Variants in LRP2 observed in about 807,000 individuals in gnomAD.
LRP2 encodes LDL receptor related protein 2, also known as low-density lipoprotein receptor-related protein 2.
A neutral mutation model predicts 531.0 loss-of-function variants in LRP2; 172 were observed. The observed-to-expected ratio is 0.32, with a 90% CI of 0.29 to 0.37. The LOEUF is 0.37. LRP2 is among the 10% of genes least tolerant of loss of function. LRP2 has a pLI of 1.00. For missense variants in LRP2, 5,167 were observed against 5,868.3 expected, an observed-to-expected ratio of 0.88 and a Z score of 3.90; for synonymous variants, 1,992 against 2,027.6, an observed-to-expected ratio of 0.98 and a Z score of 0.47.
intron 53 of LRP2, 50 bp downstream of exon 53, chr2:169,177,752 CA>C: frequency 7.0e-7 from 1 of 1,422,490 alleles, no homozygotes; most frequent in Non-Finnish European, 9.9e-7. Context: ...ACAATCATGA[CA>C]TGCACATAAC....
chr2:169,140,369 G>T, intron 72 of LRP2, 86 bp downstream of exon 72: 1 of 1,016,398 alleles, frequency 9.8e-7, no homozygotes, highest in Non-Finnish European at 1.5e-6. Flanking sequence ...TGAGGTTCCT[G>T]TATTTGTTTT....
In LRP2 at chr2:169,290,859, G is replaced by A. The variant is rs1188883651; in HGVS notation, c.908C>T (p.Thr303Ile). 1.2e-6 allele frequency: 2 copies of A among 1,614,040 alleles called. No homozygotes were observed. Among genetic ancestry groups the A allele is most frequent in the Admixed American group, 1.7e-5 (1 of 60,018 alleles). The change falls in exon 8 of 79, where the codon ACC becomes ATC. Residue 303 changes from threonine (T) to isoleucine (I), a missense_variant. By Grantham distance (89) the Thr-to-Ile change is moderately conservative. Coordinates refer to ENST00000649046, the MANE Select transcript of LRP2 (RefSeq NM_004525.3). ...PGREDENNTS[T>I]GKYCSMTLCS... ...TCTATACTCACTACAGTATTTTCCGGTACTAGTGTTGTTTTCATCTTCTCT... is the reference window on the plus strand; with the variant it reads ...TCTATACTCACTACAGTATTTTCCGATACTAGTGTTGTTTTCATCTTCTCT...
Position 169,226,605 on chromosome 2 carries a change from A to T in LRP2, c.5228-17T>A. On this transcript the variant is annotated splice_polypyrimidine_tract_variant and intron_variant, in intron 31 of 78. Coordinates refer to ENST00000649046, the MANE Select transcript of LRP2 (RefSeq NM_004525.3). The stretch of plus-strand genomic sequence containing the variant: ...GTTGATCATCTGTGAAAATAGAAGA[A>T]TATCAGTCAAAATCATATCCCACTA... The T allele has an allele frequency of 6.3e-7, 1 of 1,588,772 alleles. No individual in the cohort carries two copies. The highest frequency in any genetic ancestry group is 8.6e-7 in the Non-Finnish European group (1 of 1,158,000).
Position 169,279,634 on chromosome 2 carries a change from C to T in LRP2, c.1342-39G>A, listed in dbSNP as rs1274783050. On this transcript the variant is annotated intron_variant, in intron 11 of 78. Coordinates refer to ENST00000649046, the MANE Select transcript of LRP2 (RefSeq NM_004525.3). Reference sequence around the variant, plus strand: ...CAAAATTATTATATTTCTTCAGCATCACTAACTACGTGGTTTGTTTTGATT... The same window carrying T: ...CAAAATTATTATATTTCTTCAGCATTACTAACTACGTGGTTTGTTTTGATT... The T allele has an allele frequency of 4.0e-6, 5 of 1,261,454 alleles. No individual in the cohort carries two copies. In the African/African-American group the frequency reaches 5.9e-5, roughly 15 times the overall value. The allele number at this position is 1,261,454 out of a possible 1,614,324, so 78.1% of individuals were successfully genotyped here.
At chr2:169,255,093 C>T (rs1690250604) in intron 19 of LRP2, among the ~76,000 whole-genome samples, 1 of 152,078 alleles carries the variant, frequency 6.6e-6, no homozygotes, top group African/African-American at 2.4e-5. Context: ...AGTGTCTAGT[C>T]TTTTCAAGCA....
At chr2:169,242,601 A>C (rs10490130) in intron 24 of LRP2, among the ~76,000 whole-genome samples, 14,994 of 152,256 alleles carry the variant, frequency 0.098, 884 homozygotes, top group African/African-American at 0.16. Context: ...TCTCTACTGA[A>C]ACTTAAAAGA....
intron 38 of LRP2, among the ~76,000 whole-genome samples, chr2:169,208,549 C>T (rs576711942): frequency 2.6e-5 from 4 of 152,228 alleles, no homozygotes; most frequent in Admixed American, 6.5e-5. Context: ...CTCCACCTCC[C>T]GGCTTCAAGA....
At chr2:169,196,844 G>A in intron 46 of LRP2, 67 bp downstream of exon 46, 2 of 1,606,368 alleles carry the variant, frequency 1.2e-6, no homozygotes, top group Non-Finnish European at 1.7e-6. Context: ...TGTATTTGAA[G>A]CAGTTGGAAG....
Position 169,204,275 on chromosome 2 carries a change from A to C in LRP2, c.7716-4T>G. The stretch of plus-strand genomic sequence containing the variant: ...AGTGCTGCGTTCAATCCTCTGCCTA[A>C]AATGAAGCAAAAAAAAATTTAGAAG... On this transcript the variant is annotated splice_polypyrimidine_tract_variant and splice_region_variant and intron_variant, in intron 41 of 78. Transcript: ENST00000649046. 1.2e-6 allele frequency: 2 copies of C among 1,610,320 alleles called. No individual in the cohort carries two copies. Among genetic ancestry groups the C allele is most frequent in the Non-Finnish European group, 1.7e-6 (2 of 1,179,930 alleles).
At chr2:169,327,767 C>T (rs1685134293) in intron 1 of LRP2, among the ~76,000 whole-genome samples, 2 of 128,478 alleles carry the variant, frequency 1.6e-5, no homozygotes, top group Admixed American at 7.2e-5. Flanking sequence ...GGGGGGTCAG[C>T]CCCCCGCCCG....
intron 11 of LRP2, 129 bp from the exon 12 acceptor site, chr2:169,279,724 G>C: frequency 1.6e-6 from 1 of 640,202 alleles, no homozygotes; most frequent in Non-Finnish European, 2.7e-6. Flanking sequence ...GAAATTTCAT[G>C]CAAGTTATCA....
chr2:169,236,045 T>C lies in LRP2; in HGVS notation c.4715A>G (p.Asp1572Gly). Residue 1572 changes from aspartate to glycine, a missense_variant, in exon 29 of 79, where the codon GAC becomes GGC. This residue lies in a region of LRP2 where 2,811 missense variants were observed against 3,058.0 expected (regional missense o/e 0.92). Coordinates refer to ENST00000649046, the MANE Select transcript of LRP2 (RefSeq NM_004525.3). Reference sequence around the variant, plus strand: ...CTCGATGCGAGGGTGGTGGCCCCAGTCAGACCAGAACAGTAGATGCTCACT... The same window carrying C: ...CTCGATGCGAGGGTGGTGGCCCCAGCCAGACCAGAACAGTAGATGCTCACT... ...RMNEHLLFWS[D>G]WGHHPRIERA... 1 of 1,613,964 alleles carries C rather than the reference T, an allele frequency of 6.2e-7. No individual in the cohort carries two copies.
intron 25 of LRP2, 170 bp downstream of exon 25, chr2:169,240,818 A>G (rs1460852706): frequency 3.9e-6 from 3 of 773,416 alleles, no homozygotes; most frequent in African/African-American, 3.4e-5. Context: ...AAATTATCCA[A>G]TGGTGATGTA....
intron 41 of LRP2, 150 bp from the exon 42 acceptor site, chr2:169,204,421 C>T (rs768305614): frequency 8.0e-6 from 6 of 750,370 alleles, no homozygotes; most frequent in African/African-American, 1.7e-5. Context: ...AATGTTTCTT[C>T]TGGTGATGGG....
chr2:169,290,227 G>A (rs933061189), intron 8 of LRP2, among the ~76,000 whole-genome samples: 16 of 140,412 alleles, frequency 1.1e-4, no homozygotes, highest in African/African-American at 3.6e-4. Context: ...TTTGCCATTG[G>A]AGAGTAACTC....
chr2:169,194,442 T>G (rs1225610230), intron 46 of LRP2, among the ~76,000 whole-genome samples: 1 of 152,172 alleles, frequency 6.6e-6, no homozygotes, highest in Non-Finnish European at 1.5e-5. Flanking sequence ...CAAAAGTTCC[T>G]AGAACACCAC....
chr2:169,163,627 G>A (rs538652015), intron 62 of LRP2, among the ~76,000 whole-genome samples: 10 of 152,230 alleles, frequency 6.6e-5, no homozygotes, highest in Middle Eastern at 3.4e-3. Context: ...TTTAGAACAG[G>A]CTAGAAGCAA....
At chr2:169,295,213 C>T (rs1684105738) in intron 4 of LRP2, among the ~76,000 whole-genome samples, 1 of 152,184 alleles carries the variant, frequency 6.6e-6, no homozygotes, top group South Asian at 2.1e-4. Flanking sequence ...GCCCTGGCGG[C>T]CCAGAGGTAC....
intron 19 of LRP2, among the ~76,000 whole-genome samples, chr2:169,254,319 A>G: frequency 1.2e-5 from 1 of 83,888 alleles, no homozygotes; most frequent in African/African-American, 6.3e-5. Flanking sequence ...AGCCATAAAA[A>G]ATGATGAGTT....
Sources: gnomAD v4.1 joint callset for allele counts (sites outside exome capture counted in the v4.1 genomes callset) on GRCh38, gnomAD v4.1.1 for gene constraint, gnomAD v4.1.1 regional missense constraint, MANE v1.5 for transcripts, NCBI Gene and HGNC (gene_info 2026-07-23, HGNC 2026-07-21) for gene names.